Variants in GRIN2C observed in about 807,000 individuals in gnomAD.
GRIN2C encodes the protein glutamate ionotropic receptor NMDA type subunit 2C, also known as glutamate receptor ionotropic, NMDA 2C.
GRIN2C carries 64 observed loss-of-function variants against 77.7 expected under a neutral mutation model. That is an observed-to-expected ratio of 0.82 (90% CI 0.67 to 1.01). The LOEUF is 1.01. Among genes scored for constraint, GRIN2C ranks in the 50% least tolerant of loss-of-function variants. The pLI is 0.00. For missense variants in GRIN2C, 1,549 were observed against 1,486.0 expected, an observed-to-expected ratio of 1.04 and a Z score of -0.70; for synonymous variants, 792 against 643.4, an observed-to-expected ratio of 1.23 and a Z score of -3.49.
rs573700947 is a variant in GRIN2C, at chr17:74,854,603, G to A, written c.399+91C>T. ...CAGCCCCCACCTCCCTGCCCATCCC[G>A]TCTAATCCCAGCTTCCCAGAACCAA... On this transcript the variant is annotated intron_variant, in intron 2 of 12. Coordinates refer to ENST00000293190, the MANE Select transcript of GRIN2C (RefSeq NM_000835.6). 1.6e-5 allele frequency: 17 copies of A among 1,081,416 alleles called. No homozygotes were observed. The East Asian group carries it at 2.4e-4, about 15-fold the overall frequency. The allele number at this position is 1,081,416 out of a possible 1,614,324, so 67.0% of individuals were successfully genotyped here.
At chr17:74,858,360 G>T (rs1459074169) in intron 1 of GRIN2C, among the ~76,000 whole-genome samples, 1 of 151,376 alleles carries the variant, frequency 6.6e-6, no homozygotes, top group Non-Finnish European at 1.5e-5. Flanking sequence ...TGGGGGTCGG[G>T]GGGTGGGGGA....
rs1459061179 is a variant in GRIN2C at position 74,842,501 on chromosome 17, A to G, written c.3636T>C (p.Arg1212=). The stretch of plus-strand genomic sequence containing the variant: ...AGGGTCCCGGGAAGCCTTGCGTCCC[A>G]CGGGCTACCCTGCTGATCTCGTCCA... ...GGLDEISRVA[R]GTQGFPGPCT... Residue 1212 remains arginine (R), a synonymous_variant, in exon 13 of 13, where the codon CGT becomes CGC. Transcript: ENST00000293190. 1.3e-6 allele frequency: 1 copy of G among 779,166 alleles called. No individual in the cohort carries two copies. The highest frequency in any genetic ancestry group is 1.3e-5 in the South Asian group (1 of 74,470). 48.3% of individuals were successfully genotyped at this position (779,166 alleles called of 1,614,324 possible).
Position 74,844,347 on chromosome 17 carries a change from G to C in GRIN2C, c.2512C>G (p.Leu838Val), listed in dbSNP as rs758714191. 3 of 1,614,144 alleles carry C rather than the reference G, an allele frequency of 1.9e-6. No individual in the cohort carries two copies. In the East Asian group the frequency reaches 6.7e-5, roughly 36 times the overall value. ...GAGTGGCGCAGCTTCCAGTAGACCA[G>C]GTGCTCCCAGGCGAAGACCAGCAGG... ...LALLVFAWEH[L>V]VYWKLRHSVP... Residue 838 changes from leucine (L) to valine (V), a missense_variant, in exon 12 of 13, where the codon CTG (leucine) becomes GTG (valine). This residue lies in a region of GRIN2C where 717 missense variants were observed against 858.1 expected (regional missense o/e 0.84). Coordinates refer to ENST00000293190, the MANE Select transcript of GRIN2C (RefSeq NM_000835.6).
In GRIN2C at chr17:74,849,960, G is replaced by A; in HGVS notation, c.1492-27C>T. 1 of 1,599,360 alleles carries A rather than the reference G, an allele frequency of 6.3e-7. No homozygotes were observed. Among genetic ancestry groups the A allele is most frequent in the Non-Finnish European group, 8.5e-7 (1 of 1,174,974 alleles). On this transcript the variant is annotated intron_variant, in intron 6 of 12. Transcript: ENST00000293190. The surrounding 1 kb of genome is among the most constrained non-coding windows in gnomAD (Gnocchi z 4.6). Reference sequence around the variant, plus strand: ...TGGGGGCCGGACGCCACGGAGGTTTGAAAAAGGGGCTCCCGTGGGGTGGAC... The same window carrying A: ...TGGGGGCCGGACGCCACGGAGGTTTAAAAAAGGGGCTCCCGTGGGGTGGAC...
At chr17:74,848,516 A>G (rs760814316) in intron 7 of GRIN2C, among the ~76,000 whole-genome samples, 8 of 152,288 alleles carry the variant, frequency 5.3e-5, no homozygotes, top group Non-Finnish European at 7.4e-5. Context: ...CCTGGCCAAC[A>G]TGGCGAAACC....
chr17:74,847,790 C>A lies in GRIN2C; in HGVS notation c.1771+62G>T. The A allele has an allele frequency of 6.3e-7, 1 of 1,591,976 alleles. No individual in the cohort carries two copies. The highest frequency in any genetic ancestry group is 1.7e-5 in the Admixed American group (1 of 59,212). ...GGTATTCTCTGAAGGACCCGTTGCC[C>A]CTGAGCCCAGCCCTCAGGGTGCCCA... On this transcript the variant is annotated intron_variant, in intron 8 of 12. Transcript: ENST00000293190. This position sits in a 1 kb window ranked among gnomAD's most constrained non-coding sequence, Gnocchi z 5.2.
upstream of GRIN2C, chr17:74,860,849 G>A (rs1463344373): frequency 6.9e-6 from 2 of 288,776 alleles, no homozygotes; most frequent in Middle Eastern, 1.2e-3. Flanking sequence ...CTCGCGGCGG[G>A]GGAAGGGGTC....
At chr17:74,856,419 G>A (rs1360464101) in intron 1 of GRIN2C, among the ~76,000 whole-genome samples, 1 of 151,908 alleles carries the variant, frequency 6.6e-6, no homozygotes, top group Admixed American at 6.6e-5. Flanking sequence ...GACAACTGCT[G>A]GGCAGGCTCC....
chr17:74,848,009 C>G (rs539932832), intron 7 of GRIN2C, 32 bp from the exon 8 acceptor site: 1 of 1,612,572 alleles, frequency 6.2e-7, no homozygotes, highest in Non-Finnish European at 8.5e-7. Context: ...TCAGAGGCCT[C>G]GGCATGTTCC....
rs183167560 is a variant in GRIN2C at position 74,845,473 on chromosome 17, T to G, written c.2350+593A>C. On this transcript the variant is annotated intron_variant, in intron 11 of 12. Coordinates refer to ENST00000293190, the MANE Select transcript of GRIN2C (RefSeq NM_000835.6). ...TTTATAGAGACAGGATCTTGCTGTG[T>G]TGCCCAGGCTGGTCTCAAACTCTTG... Among the ~76,000 whole-genome samples the G allele has an allele frequency of 9.8e-4, 149 of 152,064 alleles. 1 individual carries two copies. The highest frequency in any genetic ancestry group is 3.4e-3 in the African/African-American group (141 of 41,444).
Position 74,849,691 on chromosome 17 carries a change from C to T in GRIN2C, c.1645+89G>A. The T allele has an allele frequency of 7.9e-7, 1 of 1,273,004 alleles. No homozygotes were observed. The highest frequency in any genetic ancestry group is 1.1e-6 in the Non-Finnish European group (1 of 913,452). 78.9% of individuals were successfully genotyped at this position (1,273,004 alleles called of 1,614,324 possible). Reference sequence around the variant, plus strand: ...GCTGTGCTTGGCCTGTGAGAGCCCACCCAACTCCCCATCCCCACCCAAGCT... The same window carrying T: ...GCTGTGCTTGGCCTGTGAGAGCCCATCCAACTCCCCATCCCCACCCAAGCT... On this transcript the variant is annotated intron_variant, in intron 7 of 12. Coordinates refer to ENST00000293190, the MANE Select transcript of GRIN2C (RefSeq NM_000835.6). This position sits in a 1 kb window ranked among gnomAD's most constrained non-coding sequence, Gnocchi z 4.6.
chr17:74,851,771 C>A, intron 3 of GRIN2C, 80 bp from the exon 4 acceptor site: 1 of 868,022 alleles, frequency 1.2e-6, no homozygotes. Flanking sequence ...CCACCGACAG[C>A]AGGTGGCATT....
At chr17:74,844,095 A>T in intron 12 of GRIN2C, 181 bp downstream of exon 12, 1 of 1,287,926 alleles carries the variant, frequency 7.8e-7, no homozygotes, top group Non-Finnish European at 1.0e-6. Context: ...GCTGGTCTCA[A>T]ACTTCTGGAC....
Position 74,843,132 on chromosome 17 carries a change from G to C in GRIN2C, c.3005C>G (p.Ala1002Gly). ...GTGCCCGGTCCGCACCGGCCACCGC[G>C]CCTCCCAGGCTGGGCGGCGCGACAC... ...SRVSRRPAWE[A>G]RWPVRTGHCG... The change falls in exon 13 of 13, where the codon GCG becomes GGG. Residue 1002 changes from alanine (A) to glycine (G), a missense_variant. This residue lies in a region of GRIN2C where 450 missense variants were observed against 267.9 expected (regional missense o/e 1.68). Transcript: ENST00000293190. The C allele has an allele frequency of 2.4e-6, 1 of 420,396 alleles. No homozygotes were observed. Among genetic ancestry groups the C allele is most frequent in the Non-Finnish European group, 4.2e-6 (1 of 238,986 alleles). 26.0% of individuals were successfully genotyped at this position (420,396 alleles called of 1,614,324 possible).
At chr17:74,860,437 C>T (rs114802931), upstream of GRIN2C, 1,122 of 456,712 alleles carry the variant, frequency 2.5e-3, 10 homozygotes, top group African/African-American at 0.02. Flanking sequence ...CGGGAATTCC[C>T]GTCTTGCTCA....
intron 7 of GRIN2C, among the ~76,000 whole-genome samples, chr17:74,848,709 G>C (rs1212160204): frequency 2.0e-5 from 3 of 151,616 alleles, no homozygotes; most frequent in South Asian, 4.2e-4. Context: ...CAAAAAAAAA[G>C]GAAAGAAAAG....
chr17:74,849,729 C>A lies in GRIN2C; in HGVS notation c.1645+51G>T. ...CCCCACCCAAGCTGTACACACCCTC[C>A]TCGTGGGCCCCTCTGCCCCCGGAGC... On this transcript the variant is annotated intron_variant, in intron 7 of 12. Coordinates refer to ENST00000293190, the MANE Select transcript of GRIN2C (RefSeq NM_000835.6). This position sits in a 1 kb window ranked among gnomAD's most constrained non-coding sequence, Gnocchi z 4.6. The A allele has an allele frequency of 6.4e-7, 1 of 1,565,256 alleles. No homozygotes were observed. The highest frequency in any genetic ancestry group is 1.1e-5 in the South Asian group (1 of 88,674).
At chr17:74,851,411 G>A (rs2037638783) in intron 4 of GRIN2C, 166 bp downstream of exon 4, 1 of 584,100 alleles carries the variant, frequency 1.7e-6, no homozygotes, top group Non-Finnish European at 3.1e-6. Context: ...CCCACCCCGG[G>A]GCACCTGGAG....
chr17:74,844,030 C>G lies in GRIN2C; in HGVS notation c.2583+246G>C, dbSNP rs1465838905. 5.5e-6 allele frequency: 4 copies of G among 733,114 alleles called. No individual in the cohort carries two copies. The African/African-American group carries it at 7.1e-5, about 13-fold the overall frequency. The allele number at this position is 733,114 out of a possible 1,614,324, so 45.4% of individuals were successfully genotyped here. A position where few individuals can be genotyped will look rare whatever the true frequency, so the allele number is the denominator to read the frequency against. ...CTGGGACTGCAGGCGCGCACCACCA[C>G]GCCCAGCTAATTCTTTTATTTTCTG... On this transcript the variant is annotated intron_variant, in intron 12 of 12. Coordinates refer to ENST00000293190, the MANE Select transcript of GRIN2C (RefSeq NM_000835.6).
Sources: allele counts gnomAD v4.1 joint callset (sites outside exome capture counted in the v4.1 genomes callset), GRCh38; gene constraint gnomAD v4.1.1; regional missense constraint gnomAD v4.1.1; non-coding constraint Gnocchi (gnomAD v3.1); transcripts MANE v1.5; gene names NCBI Gene and HGNC (gene_info 2026-07-23, HGNC 2026-07-21).